The following SLC8A3 variants were observed in gnomAD, a reference collection of about 807,000 sequenced individuals.
The protein encoded by SLC8A3 is sodium/calcium exchanger 3.
In SLC8A3, 37 loss-of-function variants were observed where a neutral mutation model predicts 65.4. The observed-to-expected ratio is 0.57, with a 90% CI of 0.44 to 0.74. SLC8A3 has a LOEUF of 0.74. Ranked by LOEUF, SLC8A3 falls within the 30% of genes least tolerant of loss-of-function variation. The pLI is 0.00. For missense variants in SLC8A3, 1,112 were observed against 1,172.1 expected (o/e 0.95, Z 0.75); for synonymous variants, 461 against 444.5 (o/e 1.04, Z -0.47).
chr14:70,187,833 G>T lies in SLC8A3; in HGVS notation c.-63+546C>A, dbSNP rs187638324. On this transcript the variant is annotated intron_variant, in intron 1 of 6. Coordinates refer to ENST00000356921, the MANE Select transcript of SLC8A3 (RefSeq NM_182932.3). Reference sequence around the variant, plus strand: ...GCAGCTCCCGACCCGCGGCGGTGGAGTCCCGAGATTGGGGTGAGCGCGTGC... The same window carrying T: ...GCAGCTCCCGACCCGCGGCGGTGGATTCCCGAGATTGGGGTGAGCGCGTGC... Among the ~76,000 whole-genome samples, 1,143 of 152,216 alleles carry T rather than the reference G, an allele frequency of 7.5e-3. 18 individuals carry two copies. The highest frequency in any genetic ancestry group is 0.026 in the African/African-American group (1,095 of 41,532).
chr14:70,053,554 A>G (rs1887732426), intron 3 of SLC8A3, among the ~76,000 whole-genome samples: 1 of 152,194 alleles, frequency 6.6e-6, no homozygotes, highest in Admixed American at 6.5e-5. Flanking sequence ...CCCCCATGTC[A>G]TACTTTACAT....
chr14:70,144,502 C>T (rs746403753), intron 2 of SLC8A3, among the ~76,000 whole-genome samples: 11 of 151,412 alleles, frequency 7.3e-5, no homozygotes, highest in Non-Finnish European at 1.6e-4. Flanking sequence ...TGGTGGCACA[C>T]GCCTGTAATC....
intron 2 of SLC8A3, among the ~76,000 whole-genome samples, chr14:70,061,643 G>T (rs552065110): frequency 6.6e-6 from 1 of 152,194 alleles, no homozygotes; most frequent in South Asian, 2.1e-4. Flanking sequence ...GGGCTTCAGT[G>T]GTGGGAACTA....
At chr14:70,134,180 C>T (rs1053485384) in intron 2 of SLC8A3, among the ~76,000 whole-genome samples, 2 of 152,212 alleles carry the variant, frequency 1.3e-5, no homozygotes, top group South Asian at 2.1e-4. Context: ...CATGTTCTCT[C>T]TGATGTCCTG....
chr14:70,070,082 A>C (rs1889873462), intron 2 of SLC8A3, among the ~76,000 whole-genome samples: 1 of 152,218 alleles, frequency 6.6e-6, no homozygotes, highest in South Asian at 2.1e-4. Context: ...TTTCAGTCAA[A>C]TGCTGGACTA....
At chr14:70,176,971 T>C (rs1212952335) in intron 1 of SLC8A3, among the ~76,000 whole-genome samples, 1 of 152,266 alleles carries the variant, frequency 6.6e-6, no homozygotes, top group Non-Finnish European at 1.5e-5. Flanking sequence ...CATTTATTCA[T>C]TCATGCATGC....
Position 70,085,607 on chromosome 14 carries a change from C to T in SLC8A3, c.1785-24668G>A, listed in dbSNP as rs550503177. 3.3e-5 allele frequency among the ~76,000 whole-genome samples: 5 copies of T among 152,218 alleles called. No individual in the cohort carries two copies. The South Asian group carries it at 6.2e-4, about 19-fold the overall frequency. On this transcript the variant is annotated intron_variant, in intron 2 of 6. Transcript: ENST00000356921. Reference sequence around the variant, plus strand: ...GTCAGGTATCATAATACGATGCCAACACTATGCAGAGATGAATAAAACAGT... The same window carrying T: ...GTCAGGTATCATAATACGATGCCAATACTATGCAGAGATGAATAAAACAGT...
chr14:70,099,519 G>A (rs1488046046), intron 2 of SLC8A3, among the ~76,000 whole-genome samples: 1 of 152,192 alleles, frequency 6.6e-6, no homozygotes, highest in Non-Finnish European at 1.5e-5. Context: ...CAATTGTAAA[G>A]TTGGGCTAAG....
chr14:70,052,390 G>A (rs1887612743), intron 3 of SLC8A3, among the ~76,000 whole-genome samples: 1 of 152,234 alleles, frequency 6.6e-6, no homozygotes, highest in African/African-American at 2.4e-5. Flanking sequence ...AGCATCAAGT[G>A]AAGTTCTCAA....
At chr14:70,149,363 C>T (rs1259161287) in intron 2 of SLC8A3, among the ~76,000 whole-genome samples, 2 of 152,184 alleles carry the variant, frequency 1.3e-5, no homozygotes, top group Non-Finnish European at 2.9e-5. Context: ...CCATCCACAG[C>T]ACTATGGGAG....
In SLC8A3 at chr14:70,184,107, G is replaced by A. The variant is rs192402540; in HGVS notation, c.-63+4272C>T. Among the ~76,000 whole-genome samples, 6 of 151,874 alleles carry A rather than the reference G, an allele frequency of 4.0e-5. No homozygotes were observed. In the South Asian group the frequency reaches 6.3e-4, roughly 16 times the overall value. ...TTGGTAAATTCTTTTTACCTCCCAC[G>A]CGACATTGGCCCCAAATAGTCGCTA... On this transcript the variant is annotated intron_variant, in intron 1 of 6. Transcript: ENST00000356921.
At chr14:70,079,758 A>G (rs113411744) in intron 2 of SLC8A3, among the ~76,000 whole-genome samples, 2,777 of 152,252 alleles carry the variant, frequency 0.018, 88 homozygotes, top group African/African-American at 0.063. Flanking sequence ...TATTTGGCCC[A>G]GTCTCTTCCA....
chr14:70,111,366 A>G (rs1315438534), intron 2 of SLC8A3, among the ~76,000 whole-genome samples: 1 of 152,258 alleles, frequency 6.6e-6, no homozygotes, highest in Non-Finnish European at 1.5e-5. Context: ...TAATAAGAAA[A>G]TTTAGCCCAA....
At chr14:70,079,824 A>G (rs1890887860) in intron 2 of SLC8A3, 1 of 152,384 alleles carries the variant, frequency 6.6e-6, no homozygotes, top group Non-Finnish European at 1.5e-5. Flanking sequence ...CAAAAAGCCC[A>G]GTGCTTCCAG....
chr14:70,086,401 C>CTTTTTTTTTTTTTTTTTTTTTTTTTTT (rs10605312), intron 2 of SLC8A3, among the ~76,000 whole-genome samples: 1 of 116,148 alleles, frequency 8.6e-6, no homozygotes, highest in Non-Finnish European at 1.8e-5. Flanking sequence ...TTTCTTTTTT[C>CTTTTTTTTTTTTTTTTTTTTTTTTTTT]TTTTTTTTTT....
chr14:70,082,346 C>T (rs543016489), intron 2 of SLC8A3, among the ~76,000 whole-genome samples: 2 of 152,184 alleles, frequency 1.3e-5, no homozygotes, highest in Non-Finnish European at 2.9e-5. Flanking sequence ...GGTGAAGGAA[C>T]GTCTCCAAGG....
At chr14:70,148,727 C>T (rs1896088594) in intron 2 of SLC8A3, among the ~76,000 whole-genome samples, 1 of 152,186 alleles carries the variant, frequency 6.6e-6, no homozygotes, top group Non-Finnish European at 1.5e-5. Context: ...AACAGCAATA[C>T]ATACGATTCA....
intron 2 of SLC8A3, among the ~76,000 whole-genome samples, chr14:70,112,191 G>T (rs1346874255): frequency 6.6e-6 from 1 of 152,208 alleles, no homozygotes; most frequent in East Asian, 1.9e-4. Context: ...ATGGTGCAAG[G>T]TCCCTGAGGT....
chr14:70,150,559 G>A (rs1175525880), intron 2 of SLC8A3, among the ~76,000 whole-genome samples: 1 of 152,128 alleles, frequency 6.6e-6, no homozygotes, highest in Non-Finnish European at 1.5e-5. Flanking sequence ...ACCCGGACAT[G>A]AACTCAATGC....
Sources: gnomAD v4.1 joint callset for allele counts (sites outside exome capture counted in the v4.1 genomes callset) on GRCh38, gnomAD v4.1.1 for gene constraint, MANE v1.5 for transcripts, NCBI Gene and HGNC (gene_info 2026-07-23, HGNC 2026-07-21) for gene names.